GNAS-AS1: variants seen among roughly 807,000 people sequenced by gnomAD.
GNAS-AS1 encodes the protein GNAS antisense RNA 1 (non-protein coding).
intron 4 of GNAS-AS1, chr20:58,839,632 C>A (rs956271320): frequency 4.7e-6 from 2 of 428,556 alleles, no homozygotes; most frequent in Admixed American, 3.8e-5. Flanking sequence ...GCGCCACAGG[C>A]TCGGCGCCAC....
chr20:58,839,950 T>A (rs1462977553), intron 4 of GNAS-AS1: 15 of 717,172 alleles, frequency 2.1e-5, no homozygotes, highest in Non-Finnish European at 2.8e-5. Context: ...GGTAGGTGCT[T>A]CCCTTTTTCT....
At chr20:58,846,240 AAG>A (rs113265386) in intron 2 of GNAS-AS1, among the ~76,000 whole-genome samples, 7 of 152,288 alleles carry the variant, frequency 4.6e-5, no homozygotes, top group African/African-American at 1.4e-4. Flanking sequence ...TGAAGGAATA[AAG>A]AGAGTCTTGA....
rs1302570123 is a variant in GNAS-AS1, at chr20:58,840,209, C to A, written n.819+1728G>T. The A allele has an allele frequency of 6.2e-7, 1 of 1,611,112 alleles. No homozygotes were observed. The highest frequency in any genetic ancestry group is 1.3e-5 in the African/African-American group (1 of 74,936). On this transcript the variant is annotated intron_variant and non_coding_transcript_variant, in intron 4 of 4. Transcript: ENST00000424094. This position sits in a 1 kb window ranked among gnomAD's most constrained non-coding sequence, Gnocchi z 6.0. The stretch of plus-strand genomic sequence containing the variant: ...CCGGGCAGCCACCGCGCTCCTCTGG[C>A]TCTCCTGCTCCATCGCGCTCCTCCG...
rs1339739956 is a variant in GNAS-AS1, at chr20:58,840,077, A to G, written n.819+1860T>C. On this transcript the variant is annotated intron_variant and non_coding_transcript_variant, in intron 4 of 4. Transcript: ENST00000424094. This position sits in a 1 kb window ranked among gnomAD's most constrained non-coding sequence, Gnocchi z 6.0. The stretch of plus-strand genomic sequence containing the variant: ...GCCACTCTCTGCAGAGCCAGAGGGC[A>G]GGCCGGCTTCTCGGTGTGTGCCTAA... 2.5e-6 allele frequency: 4 copies of G among 1,607,218 alleles called. No homozygotes were observed. The highest frequency in any genetic ancestry group is 3.4e-6 in the Non-Finnish European group (4 of 1,179,630).
At chr20:58,835,382 C>G (rs964407851) in intron 4 of GNAS-AS1, among the ~76,000 whole-genome samples, 12 of 152,160 alleles carry the variant, frequency 7.9e-5, no homozygotes. Flanking sequence ...TGCAAGCCTT[C>G]TGAGAACCCA....
chr20:58,847,733 GTTCCC>G lies in GNAS-AS1; in HGVS notation n.413+1141_413+1145del, dbSNP rs1317403725. ...AAAAATACTGTTTTTCGTGGTTTCTGTTCCCTTCCCTTTCACCCACCTCCCTTCCC... is the reference window on the plus strand; with the variant it reads ...AAAAATACTGTTTTTCGTGGTTTCTGTTCCCTTTCACCCACCTCCCTTCCC... On this transcript the variant is annotated intron_variant and non_coding_transcript_variant, in intron 2 of 4. Coordinates refer to ENST00000424094, the Ensembl canonical transcript of GNAS-AS1. Among the ~76,000 whole-genome samples the G allele has an allele frequency of 6.6e-5, 10 of 152,270 alleles. No homozygotes were observed. The East Asian group carries it at 1.7e-3, about 26-fold the overall frequency.
chr20:58,830,263 CCATCACCACCACCGCCA>C (rs1568899989), intron 4 of GNAS-AS1, among the ~76,000 whole-genome samples: 5 of 145,850 alleles, frequency 3.4e-5, no homozygotes, highest in African/African-American at 2.6e-5. Context: ...CAACGCCACA[CCATCACCACCACCGCCA>C]CACCACCATC....
chr20:58,838,866 A>C, intron 4 of GNAS-AS1: 1 of 394,564 alleles, frequency 2.5e-6, no homozygotes, highest in Non-Finnish European at 4.4e-6. Flanking sequence ...GCAGTGACCC[A>C]AGATCACATC....
At chr20:58,830,437 TCATTAC>T (rs2085553516) in intron 4 of GNAS-AS1, among the ~76,000 whole-genome samples, 3 of 53,364 alleles carry the variant, frequency 5.6e-5, no homozygotes, top group South Asian at 7.5e-4. Flanking sequence ...CACACCACCA[TCATTAC>T]CACCACCACC....
At chr20:58,828,098 T>C (rs2085532394) in intron 4 of GNAS-AS1, among the ~76,000 whole-genome samples, 1 of 152,212 alleles carries the variant, frequency 6.6e-6, no homozygotes, top group Non-Finnish European at 1.5e-5. Context: ...TAATAACTGG[T>C]GCTTTTGGAA....
chr20:58,829,194 A>G (rs2145454946), intron 4 of GNAS-AS1, among the ~76,000 whole-genome samples: 1 of 152,362 alleles, frequency 6.6e-6, no homozygotes, highest in East Asian at 1.9e-4. Flanking sequence ...ATCCTGACAC[A>G]GCCAATTCCC....
At chr20:58,847,541 G>A (rs2085984032) in intron 2 of GNAS-AS1, among the ~76,000 whole-genome samples, 1 of 152,230 alleles carries the variant, frequency 6.6e-6, no homozygotes, top group African/African-American at 2.4e-5. Flanking sequence ...CTTCATAGTT[G>A]CCTAAATTCT....
At chr20:58,832,937 C>T (rs1016526441) in intron 4 of GNAS-AS1, among the ~76,000 whole-genome samples, 9 of 152,222 alleles carry the variant, frequency 5.9e-5, no homozygotes, top group Admixed American at 3.9e-4. Context: ...ATTAAATTCC[C>T]GTTGTCCTCT....
At chr20:58,831,313 CAGCT>C (rs965192760) in intron 4 of GNAS-AS1, among the ~76,000 whole-genome samples, 2 of 151,688 alleles carry the variant, frequency 1.3e-5, no homozygotes, top group African/African-American at 4.9e-5. Flanking sequence ...ATCGGGTTGC[CAGCT>C]GTTTTGCTTT....
At chr20:58,845,879 A>G (rs1389358788) in intron 2 of GNAS-AS1, among the ~76,000 whole-genome samples, 1 of 152,218 alleles carries the variant, frequency 6.6e-6, no homozygotes, top group Non-Finnish European at 1.5e-5. Context: ...TCTGCCTGCA[A>G]CTATTCCCGG....
intron 4 of GNAS-AS1, among the ~76,000 whole-genome samples, chr20:58,836,816 C>T (rs1475519516): frequency 6.6e-6 from 1 of 152,212 alleles, no homozygotes; most frequent in East Asian, 1.9e-4. Context: ...GGTGAATGTA[C>T]ACTGAGATGT....
intron 4 of GNAS-AS1, chr20:58,819,372 A>T: frequency 2.5e-6 from 1 of 397,592 alleles, no homozygotes; most frequent in Non-Finnish European, 4.4e-6. Context: ...CTGCGGTCAC[A>T]CTCCAACTTG....
At chr20:58,825,431 GC>G (rs1214879740) in intron 4 of GNAS-AS1, among the ~76,000 whole-genome samples, 3 of 152,224 alleles carry the variant, frequency 2.0e-5, no homozygotes, top group Non-Finnish European at 4.4e-5. Context: ...AGGGACATCA[GC>G]CACGCTGCCA....
At chr20:58,847,379 G>T (rs2085977474) in intron 2 of GNAS-AS1, among the ~76,000 whole-genome samples, 1 of 152,234 alleles carries the variant, frequency 6.6e-6, no homozygotes, top group South Asian at 2.1e-4. Flanking sequence ...GTATGCTGCT[G>T]CCTCCACCGG....
Sources: gnomAD v4.1 joint callset for allele counts (sites outside exome capture counted in the v4.1 genomes callset) on GRCh38, gnomAD v4.1.1 for gene constraint, Gnocchi (gnomAD v3.1) non-coding constraint, MANE v1.5 for transcripts, NCBI Gene and HGNC (gene_info 2026-07-23, HGNC 2026-07-21) for gene names.